The following RBM27 variants were observed in gnomAD, a reference collection of about 807,000 sequenced individuals.
The protein encoded by RBM27 is RNA-binding protein 27.
RBM27 carries 22 observed loss-of-function variants against 135.3 expected under a neutral mutation model. The ratio of observed to expected loss-of-function variants is 0.16; its 90% CI spans 0.12 to 0.23. The LOEUF is 0.23. RBM27 is among the 10% of genes least tolerant of loss of function. The probability of loss-of-function intolerance (pLI) is 1.00; values close to 1 mark genes in which losing one functional copy is unlikely to be tolerated. For synonymous variants in RBM27, 481 were observed against 442.4 expected, an observed-to-expected ratio of 1.09 and a Z score of -1.10; for missense variants, 1,009 against 1,281.0, an observed-to-expected ratio of 0.79 and a Z score of 3.24.
At chr5:146,244,514 T>A (rs1757538856) in intron 8 of RBM27, among the ~76,000 whole-genome samples, 1 of 152,174 alleles carries the variant, frequency 6.6e-6, no homozygotes, top group South Asian at 2.1e-4. Flanking sequence ...TCCTCTGAAG[T>A]ACTTAACATT....
intron 8 of RBM27, among the ~76,000 whole-genome samples, chr5:146,247,901 A>G (rs1246723250): frequency 1.3e-5 from 2 of 152,062 alleles, no homozygotes; most frequent in Non-Finnish European, 2.9e-5. Context: ...CATTGCCTGG[A>G]TTTGCTGTTG....
At chr5:146,233,115 G>A (rs1475834203) in intron 6 of RBM27, among the ~76,000 whole-genome samples, 6 of 152,086 alleles carry the variant, frequency 3.9e-5, no homozygotes, top group Admixed American at 6.6e-5. Context: ...CCTACCCCAC[G>A]CCTTTGCTAA....
chr5:146,286,065 T>C lies in RBM27; in HGVS notation c.*35T>C, dbSNP rs776482030. Reference sequence around the variant, plus strand: ...CTAGCTGTATAATTTTTAGGAATATTGTTTAGAAGAACAACTTTTAAAAAT... The same window carrying C: ...CTAGCTGTATAATTTTTAGGAATATCGTTTAGAAGAACAACTTTTAAAAAT... On this transcript the variant is annotated 3_prime_UTR_variant, in exon 21 of 21. Transcript: ENST00000265271. The C allele has an allele frequency of 6.5e-7, 1 of 1,536,252 alleles. No individual in the cohort carries two copies. The highest frequency in any genetic ancestry group is 8.8e-7 in the Non-Finnish European group (1 of 1,137,664).
chr5:146,206,349 G>A (rs1755651070), intron 1 of RBM27, among the ~76,000 whole-genome samples: 1 of 136,924 alleles, frequency 7.3e-6, no homozygotes, highest in Admixed American at 7.1e-5. Context: ...CTGGGTGGGA[G>A]CTTCTTCTTG....
At chr5:146,259,099 C>T (rs984992462) in intron 11 of RBM27, among the ~76,000 whole-genome samples, 8 of 151,668 alleles carry the variant, frequency 5.3e-5, no homozygotes, top group South Asian at 2.1e-4. Flanking sequence ...CCTATTTCTA[C>T]GCCTAACCCA....
chr5:146,217,902 C>T (rs1416644608), intron 1 of RBM27, among the ~76,000 whole-genome samples: 14 of 152,084 alleles, frequency 9.2e-5, no homozygotes, highest in Admixed American at 2.0e-4. Context: ...GGATTACAGA[C>T]GTGCACCACC....
At chr5:146,242,872 A>G (rs1757464095) in intron 8 of RBM27, among the ~76,000 whole-genome samples, 1 of 152,036 alleles carries the variant, frequency 6.6e-6, no homozygotes, top group Non-Finnish European at 1.5e-5. Context: ...TGCTGTGATT[A>G]CAGGTGTGAG....
At chr5:146,271,182 C>A in intron 18 of RBM27, 124 bp downstream of exon 18, 1 of 664,884 alleles carries the variant, frequency 1.5e-6, no homozygotes, top group Non-Finnish European at 2.6e-6. Flanking sequence ...GGGTGGATCA[C>A]CTGAGGTCAA....
At position 146,284,542 on chromosome 5, in the gene RBM27, T is replaced by C. The variant is rs1759504907; in HGVS notation, c.2989-80T>C. 11 of 920,260 alleles carry C rather than the reference T, an allele frequency of 1.2e-5. No homozygotes were observed. The South Asian group carries it at 1.2e-4, about 10-fold the overall frequency. 57.0% of individuals were successfully genotyped at this position (920,260 alleles called of 1,614,324 possible). ...ATTTCTCTCCTGCCCTATGTTATAC[T>C]TTTTAAATAACACAGAATTTGCAGA... On this transcript the variant is annotated intron_variant, in intron 19 of 20. Transcript: ENST00000265271.
chr5:146,253,624 A>G (rs374108608), intron 9 of RBM27, among the ~76,000 whole-genome samples: 1 of 152,240 alleles, frequency 6.6e-6, no homozygotes, highest in East Asian at 1.9e-4. Context: ...TAGTTCTTAT[A>G]TTAGATATCT....
chr5:146,210,191 A>G (rs1755872235), intron 1 of RBM27, among the ~76,000 whole-genome samples: 1 of 152,226 alleles, frequency 6.6e-6, no homozygotes, highest in Admixed American at 6.5e-5. Context: ...CTTAGTAAAC[A>G]CTCAGTATAT....
intron 1 of RBM27, among the ~76,000 whole-genome samples, chr5:146,211,820 A>G (rs1397280468): frequency 6.6e-6 from 1 of 151,980 alleles, no homozygotes; most frequent in Admixed American, 6.6e-5. Context: ...GACTTTTTTT[A>G]AAATTCACTT....
intron 8 of RBM27, among the ~76,000 whole-genome samples, chr5:146,247,198 C>A (rs565580214): frequency 6.6e-6 from 1 of 151,980 alleles, no homozygotes; most frequent in Admixed American, 6.6e-5. Flanking sequence ...TTTATTGCTC[C>A]TCAAAATTCA....
intron 8 of RBM27, among the ~76,000 whole-genome samples, chr5:146,248,105 T>C (rs1008376880): frequency 2.0e-5 from 3 of 152,126 alleles, no homozygotes; most frequent in Admixed American, 6.5e-5. Context: ...CTCCTGTTTT[T>C]TTTTTAAGTA....
chr5:146,255,767 A>G (rs1352074213), intron 10 of RBM27, among the ~76,000 whole-genome samples: 1 of 152,108 alleles, frequency 6.6e-6, no homozygotes, highest in Admixed American at 6.5e-5. Context: ...GTGACTGGCC[A>G]TGGACTGCAC....
At chr5:146,218,321 A>C (rs1471924283) in intron 1 of RBM27, among the ~76,000 whole-genome samples, 1 of 152,244 alleles carries the variant, frequency 6.6e-6, no homozygotes, top group Non-Finnish European at 1.5e-5. Context: ...ACTAGAAAAA[A>C]TGAGAAGTAG....
chr5:146,247,822 G>A (rs781673981), intron 8 of RBM27, among the ~76,000 whole-genome samples: 1 of 152,156 alleles, frequency 6.6e-6, no homozygotes, highest in Non-Finnish European at 1.5e-5. Context: ...TGATTAGTGT[G>A]TAAAGGTGTT....
At chr5:146,223,976 T>A (rs17104327) in intron 3 of RBM27, among the ~76,000 whole-genome samples, 2,544 of 152,302 alleles carry the variant, frequency 0.017, 87 homozygotes, top group African/African-American at 0.058. Flanking sequence ...AAGAGGATTT[T>A]AAAAATGTTT....
At chr5:146,267,091 C>A (rs1403403824) in intron 14 of RBM27, among the ~76,000 whole-genome samples, 1 of 152,160 alleles carries the variant, frequency 6.6e-6, no homozygotes, top group African/African-American at 2.4e-5. Context: ...CAAACAAATT[C>A]AACTTATTAT....
Sources: gnomAD v4.1 joint callset for allele counts (sites outside exome capture counted in the v4.1 genomes callset) on GRCh38, gnomAD v4.1.1 for gene constraint, MANE v1.5 for transcripts, NCBI Gene and HGNC (gene_info 2026-07-23, HGNC 2026-07-21) for gene names.